Variants in TASOR2 observed in about 807,000 individuals in gnomAD.
TASOR2 encodes the protein transcription activation suppressor family member 2.
Under a neutral mutation model 199.5 loss-of-function variants are expected in TASOR2, and 84 were observed. The ratio of observed to expected loss-of-function variants is 0.42; its 90% CI spans 0.35 to 0.50. The LOEUF is 0.50. TASOR2 is among the 20% of genes least tolerant of loss of function. The pLI is 0.02. For missense variants in TASOR2, 2,796 were observed against 2,835.9 expected (o/e 0.99, Z 0.32); for synonymous variants, 1,103 against 1,046.6 (o/e 1.05, Z -1.04).
chr10:5,734,289 A>C (rs966776360), intron 11 of TASOR2, among the ~76,000 whole-genome samples: 1 of 152,194 alleles, frequency 6.6e-6, no homozygotes, highest in Non-Finnish European at 1.5e-5. Context: ...CCATGTGAGA[A>C]GCAAAGCAGA....
Position 5,747,427 on chromosome 10 carries a change from G to T in TASOR2, c.4006G>T (p.Glu1336Ter). ...AGAGGTGGCTCTCACAGAAAGCAGA[G>T]AAGTGAGTTCTGCTGACAATGTGTC... is the stretch of plus-strand genomic sequence containing the variant. Residue 1336 changes from glutamate (E) to a stop codon, truncating the protein, a stop_gained, in exon 15 of 21, where the codon GAA (glutamate) becomes TAA (stop). Transcript: ENST00000328090. LOFTEE classifies it high-confidence loss of function. 1 of 1,614,174 alleles carries T rather than the reference G, an allele frequency of 6.2e-7. No individual in the cohort carries two copies. The highest frequency in any genetic ancestry group is 8.5e-7 in the Non-Finnish European group (1 of 1,180,028).
intron 2 of TASOR2, among the ~76,000 whole-genome samples, chr10:5,714,933 T>C (rs1264556586): frequency 2.0e-5 from 3 of 151,608 alleles, no homozygotes; most frequent in Non-Finnish European, 4.4e-5. Flanking sequence ...GGGAGTGGGG[T>C]GTGAATTGAA....
intron 1 of TASOR2, among the ~76,000 whole-genome samples, chr10:5,708,920 T>C (rs868745377): frequency 6.6e-6 from 1 of 152,084 alleles, no homozygotes; most frequent in African/African-American, 2.4e-5. Context: ...CTGGCTGGTC[T>C]CAAGCTCCTG....
At chr10:5,709,441 C>G (rs1337585242) in intron 1 of TASOR2, 1 of 840,558 alleles carries the variant, frequency 1.2e-6, no homozygotes, top group African/African-American at 1.8e-5. Context: ...ATTCCTAATA[C>G]AAATTACTCA....
At chr10:5,736,192 G>A (rs1350539445) in intron 12 of TASOR2, among the ~76,000 whole-genome samples, 2 of 152,046 alleles carry the variant, frequency 1.3e-5, no homozygotes, top group African/African-American at 4.8e-5. Context: ...AGGCCGAGGT[G>A]GGTGGATCTT....
intron 1 of TASOR2, among the ~76,000 whole-genome samples, chr10:5,686,860 A>G (rs1302015499): frequency 1.3e-5 from 2 of 152,174 alleles, no homozygotes; most frequent in Non-Finnish European, 2.9e-5. Flanking sequence ...GTAGCATTTT[A>G]ATTATCATAG....
In TASOR2 at chr10:5,737,574, C is replaced by A. The variant is rs1306892308; in HGVS notation, c.1447+2028C>A. On this transcript the variant is annotated intron_variant, in intron 12 of 20. Coordinates refer to ENST00000328090, the Ensembl canonical transcript of TASOR2. The surrounding 1 kb of genome is among the most constrained non-coding windows in gnomAD (Gnocchi z 4.9). The stretch of plus-strand genomic sequence containing the variant: ...ACCTCTGCCCTTCAGGGGCCTGCAG[C>A]TAGATTTATCCCCACAGGGAGGCGT... 6.6e-6 allele frequency among the ~76,000 whole-genome samples: 1 copy of A among 152,134 alleles called. No homozygotes were observed. The highest frequency in any genetic ancestry group is 1.5e-5 in the Non-Finnish European group (1 of 68,022).
At chr10:5,735,723 G>T (rs996383963) in intron 12 of TASOR2, among the ~76,000 whole-genome samples, 177 bp downstream of exon 13, 2 of 151,978 alleles carry the variant, frequency 1.3e-5, no homozygotes, top group Non-Finnish European at 2.9e-5. Flanking sequence ...AAATAAATTA[G>T]GAAGGTACAA....
Position 5,742,742 on chromosome 10 carries a change from A to G in TASOR2, c.2757+216A>G, listed in dbSNP as rs1836617857. ...CCTGCCATCCCGATTGAAAAAAACCAGAGTAGAAAAATGTCACAGGGTCCA... is the reference window on the plus strand; with the variant it reads ...CCTGCCATCCCGATTGAAAAAAACCGGAGTAGAAAAATGTCACAGGGTCCA... On this transcript the variant is annotated intron_variant, in intron 14 of 20. Coordinates refer to ENST00000328090, the Ensembl canonical transcript of TASOR2. This position sits in a 1 kb window ranked among gnomAD's most constrained non-coding sequence, Gnocchi z 4.2. Among the ~76,000 whole-genome samples, 1 of 152,182 alleles carries G rather than the reference A, an allele frequency of 6.6e-6. No homozygotes were observed. The highest frequency in any genetic ancestry group is 2.4e-5 in the African/African-American group (1 of 41,446).
chr10:5,735,369 C>T (rs769992051), exon 12 of TASOR2: 34 of 1,614,084 alleles, frequency 2.1e-5, no homozygotes, highest in Non-Finnish European at 2.9e-5. Flanking sequence ...CCAAGAAGCT[C>T]CTATTTCTAA....
In TASOR2 at chr10:5,754,523, G is replaced by A. The variant is rs1471482108; in HGVS notation, c.6607-2090G>A. ...TCCTGCCTCACCTTCTCGAATAGCT[G>A]GGATTACAGGTGCGTGCCACCATGC... On this transcript the variant is annotated intron_variant, in intron 15 of 20. Coordinates refer to ENST00000328090, the Ensembl canonical transcript of TASOR2. The surrounding 1 kb of genome is among the most constrained non-coding windows in gnomAD (Gnocchi z 4.3). Among the ~76,000 whole-genome samples, 1 of 152,006 alleles carries A rather than the reference G, an allele frequency of 6.6e-6. No individual in the cohort carries two copies. Among genetic ancestry groups the A allele is most frequent in the African/African-American group, 2.4e-5 (1 of 41,390 alleles).
At chr10:5,692,067 C>A (rs1836487931) in intron 1 of TASOR2, among the ~76,000 whole-genome samples, 1 of 140,930 alleles carries the variant, frequency 7.1e-6, no homozygotes, top group African/African-American at 2.7e-5. Flanking sequence ...TCCAGCTACT[C>A]AGAAGGCTGA....
intron 10 of TASOR2, among the ~76,000 whole-genome samples, chr10:5,727,627 G>T (rs746475088): frequency 2.0e-5 from 3 of 152,068 alleles, no homozygotes; most frequent in Non-Finnish European, 4.4e-5. Context: ...AATTTTGGAG[G>T]TCAATATGGG....
intron 14 of TASOR2, among the ~76,000 whole-genome samples, chr10:5,744,410 C>A (rs930797811): frequency 6.6e-6 from 1 of 152,192 alleles, no homozygotes; most frequent in African/African-American, 2.4e-5. Flanking sequence ...TCAACTGATT[C>A]TCCTGCCTCA....
At chr10:5,691,358 A>G (rs1836407842) in intron 1 of TASOR2, among the ~76,000 whole-genome samples, 1 of 152,204 alleles carries the variant, frequency 6.6e-6, no homozygotes, top group Non-Finnish European at 1.5e-5. Flanking sequence ...TGAGAATGTT[A>G]AAACAATCTT....
exon 15 of TASOR2, chr10:5,749,431 G>C: frequency 6.2e-7 from 1 of 1,614,194 alleles, no homozygotes; most frequent in Non-Finnish European, 8.5e-7. Flanking sequence ...CTCTGCCAAT[G>C]TCTTTCCAAA....
chr10:5,730,143 A>G lies in TASOR2; in HGVS notation c.488-344A>G, dbSNP rs1834611353. Among the ~76,000 whole-genome samples, 1 of 152,244 alleles carries G rather than the reference A, an allele frequency of 6.6e-6. No individual in the cohort carries two copies. Among genetic ancestry groups the G allele is most frequent in the Admixed American group, 6.5e-5 (1 of 15,286 alleles). On this transcript the variant is annotated intron_variant, in intron 10 of 20. Transcript: ENST00000328090. The surrounding 1 kb of genome is among the most constrained non-coding windows in gnomAD (Gnocchi z 4.1). ...GTACGAAAGCAAATCTGCCAGCTCT[A>G]AAGACCAGTGGTACTGCTGTGATGA... is the stretch of plus-strand genomic sequence containing the variant.
At position 5,750,320 on chromosome 10, in the gene TASOR2, T is replaced by C. The variant is rs1229745993; in HGVS notation, c.6606+293T>C. 2.0e-5 allele frequency among the ~76,000 whole-genome samples: 3 copies of C among 152,232 alleles called. No homozygotes were observed. The highest frequency in any genetic ancestry group is 4.1e-4 in the South Asian group (2 of 4,828). On this transcript the variant is annotated intron_variant, in intron 15 of 20. Coordinates refer to ENST00000328090, the Ensembl canonical transcript of TASOR2. This position sits in a 1 kb window ranked among gnomAD's most constrained non-coding sequence, Gnocchi z 5.4. ...AAGTGTAAATACAAACACATTCCGA[T>C]GTTAAAATACAGATTTTTTGAAAAG...
intron 11 of TASOR2, among the ~76,000 whole-genome samples, chr10:5,733,652 C>G (rs1835157066): frequency 6.6e-6 from 1 of 152,060 alleles, no homozygotes; most frequent in African/African-American, 2.4e-5. Context: ...TTTCTTTTTT[C>G]TCCCAACACC....
Sources: allele counts gnomAD v4.1 joint callset (sites outside exome capture counted in the v4.1 genomes callset), GRCh38; gene constraint gnomAD v4.1.1; non-coding constraint Gnocchi (gnomAD v3.1); transcripts MANE v1.5; gene names NCBI Gene and HGNC (gene_info 2026-07-23, HGNC 2026-07-21).